Variants in ACADM observed in about 807,000 individuals in gnomAD.
ACADM encodes medium-chain specific acyl-CoA dehydrogenase, mitochondrial.
A neutral mutation model predicts 58.9 loss-of-function variants in ACADM; 49 were observed. That is an observed-to-expected ratio of 0.83 (90% CI 0.66 to 1.06). ACADM has a LOEUF of 1.06. ACADM is among the 50% of genes least tolerant of loss of function. ACADM has a pLI of 0.00. For synonymous variants in ACADM, 160 were observed against 157.7 expected (o/e 1.01, Z -0.11); for missense variants, 496 against 507.0 (o/e 0.98, Z 0.21).
In ACADM at chr1:75,762,338, G is replaced by A. The variant is rs1322127403; in HGVS notation, c.1195-354G>A. Among the ~76,000 whole-genome samples the A allele has an allele frequency of 4.6e-5, 7 of 151,968 alleles. No homozygotes were observed. In the East Asian group the frequency reaches 1.3e-3, roughly 29 times the overall value. ...AGGGTAAGAATAAAAGACTGAAGGAGACAGCTAGCTAAGAACAGTTCAGAA... is the reference window on the plus strand; with the variant it reads ...AGGGTAAGAATAAAAGACTGAAGGAAACAGCTAGCTAAGAACAGTTCAGAA... On this transcript the variant is annotated intron_variant, in intron 11 of 11. Transcript: ENST00000370841.
rs192044394 is a variant in ACADM, at chr1:75,760,469, A to T, written c.946-653A>T. On this transcript the variant is annotated intron_variant, in intron 10 of 11. Coordinates refer to ENST00000370841, the MANE Select transcript of ACADM (RefSeq NM_000016.6). ...CAGCTACTTTGGGGGCTGAGGCGGGAGGGTCGTTGAGGCTGCAGTGATCTG... is the reference window on the plus strand; with the variant it reads ...CAGCTACTTTGGGGGCTGAGGCGGGTGGGTCGTTGAGGCTGCAGTGATCTG... Among the ~76,000 whole-genome samples, 18 of 129,302 alleles carry T rather than the reference A, an allele frequency of 1.4e-4. No homozygotes were observed. The East Asian group carries it at 4.1e-3, about 29-fold the overall frequency. 84.8% of individuals were successfully genotyped at this position (129,302 alleles called of 152,430 possible).
intron 11 of ACADM, among the ~76,000 whole-genome samples, chr1:75,762,116 C>T (rs1201841809): frequency 6.6e-6 from 1 of 152,220 alleles, no homozygotes; most frequent in African/African-American, 2.4e-5. Context: ...TCTTCCTCTC[C>T]TAGAGCCTTT....
At chr1:75,754,119 G>T (rs1408226041) in intron 10 of ACADM, among the ~76,000 whole-genome samples, 1 of 151,416 alleles carries the variant, frequency 6.6e-6, no homozygotes, top group Non-Finnish European at 1.5e-5. Context: ...TTAATTGGTA[G>T]GTACAGTGAT....
At chr1:75,735,690 T>C (rs1647238656) in intron 6 of ACADM, among the ~76,000 whole-genome samples, 1 of 151,818 alleles carries the variant, frequency 6.6e-6, no homozygotes, top group Admixed American at 6.6e-5. Flanking sequence ...CCATCTCTAC[T>C]AAAAATACAA....
rs762615513 is a variant in ACADM, at chr1:75,745,939, GC to G, written c.708+29del. ...GGTAAAGTATTTATTAATGATTAGG[GC>G]CCCAAATATTATTTTAATTATAAAT... On this transcript the variant is annotated intron_variant, in intron 8 of 11. Coordinates refer to ENST00000370841, the MANE Select transcript of ACADM (RefSeq NM_000016.6). 4.7e-6 allele frequency: 7 copies of G among 1,483,964 alleles called. No homozygotes were observed. In the South Asian group the frequency reaches 8.1e-5, roughly 17 times the overall value. 91.9% of individuals were successfully genotyped at this position (1,483,964 alleles called of 1,614,324 possible).
In ACADM at chr1:75,736,173, T is replaced by TACACACACACACACAC. The variant is rs10647103; in HGVS notation, c.468+1319_468+1334dup. ...AACAAGATAAATACACACACAGACA[T>TACACACACACACACAC]ACACACACACACACACACACACACA... On this transcript the variant is annotated intron_variant, in intron 6 of 11. Transcript: ENST00000370841. Among the ~76,000 whole-genome samples the TACACACACACACACAC allele has an allele frequency of 6.8e-3, 986 of 144,518 alleles. 29 individuals carry two copies. The highest frequency in any genetic ancestry group is 0.024 in the African/African-American group (939 of 38,444). 94.8% of individuals were successfully genotyped at this position (144,518 alleles called of 152,430 possible). A position where few individuals can be genotyped will look rare whatever the true frequency, so the allele number is the denominator to read the frequency against.
rs766249735 is a variant in ACADM, at chr1:75,745,865, C to T, written c.659C>T (p.Thr220Ile). The T allele has an allele frequency of 5.6e-6, 9 of 1,613,818 alleles. No individual in the cohort carries two copies. In the Admixed American group the frequency reaches 6.7e-5, roughly 12 times the overall value. ...DPKAPANKAFTGFIVEADTPG... is the reference protein window; with the variant it reads ...DPKAPANKAFIGFIVEADTPG... ...AAAGCTCCTGCTAATAAAGCCTTTACTGGATTCATTGTGGAAGCAGATACC... is the reference window on the plus strand; with the variant it reads ...AAAGCTCCTGCTAATAAAGCCTTTATTGGATTCATTGTGGAAGCAGATACC... Residue 220 changes from threonine (T) to isoleucine (I), a missense_variant, in exon 8 of 12, where the codon ACT becomes ATT. Coordinates refer to ENST00000370841, the MANE Select transcript of ACADM (RefSeq NM_000016.6).
intron 2 of ACADM, among the ~76,000 whole-genome samples, chr1:75,728,997 A>G (rs1397054271): frequency 1.3e-5 from 2 of 152,104 alleles, no homozygotes; most frequent in African/African-American, 2.4e-5. Context: ...TACACACAAA[A>G]AATTTGAAAT....
rs1207531329 is a variant in ACADM at position 75,743,506 on chromosome 1, C to T, written c.600-2300C>T. 1.2e-5 allele frequency: 19 copies of T among 1,609,530 alleles called. No homozygotes were observed. The Middle Eastern group carries it at 6.6e-4, about 56-fold the overall frequency. ...CACAGCCTCTCTGCCATCAATCAGCCGGTGATCATAGGTCAGTGCCACGTA... is the reference window on the plus strand; with the variant it reads ...CACAGCCTCTCTGCCATCAATCAGCTGGTGATCATAGGTCAGTGCCACGTA... On this transcript the variant is annotated intron_variant, in intron 7 of 11. Transcript: ENST00000370841.
chr1:75,751,614 T>C (rs1409822501), intron 10 of ACADM, among the ~76,000 whole-genome samples: 1 of 151,598 alleles, frequency 6.6e-6, no homozygotes, highest in Non-Finnish European at 1.5e-5. Context: ...TTCTCCTGCC[T>C]CAGCCTCCCG....
intron 7 of ACADM, chr1:75,744,351 T>C: frequency 6.2e-7 from 1 of 1,601,980 alleles, no homozygotes; most frequent in Non-Finnish European, 8.6e-7. Flanking sequence ...TTTTCCTGAG[T>C]GTGAAAAGCG....
intron 10 of ACADM, among the ~76,000 whole-genome samples, chr1:75,755,915 A>C (rs927227356): frequency 2.6e-5 from 4 of 152,232 alleles, no homozygotes; most frequent in African/African-American, 7.2e-5. Context: ...GGCTGATTCA[A>C]CATACCTTGA....
chr1:75,747,721 A>G (rs1647976121), intron 8 of ACADM, among the ~76,000 whole-genome samples: 1 of 152,220 alleles, frequency 6.6e-6, no homozygotes, highest in Admixed American at 6.5e-5. Flanking sequence ...CAGGAAGTCA[A>G]GGCTGCAGTG....
At position 75,745,923 on chromosome 1, in the gene ACADM, T is replaced by C. The variant is rs991394488; in HGVS notation, c.708+9T>C. 1 of 1,577,684 alleles carries C rather than the reference T, an allele frequency of 6.3e-7. No individual in the cohort carries two copies. Among genetic ancestry groups the C allele is most frequent in the African/African-American group, 1.3e-5 (1 of 74,268 alleles). ...TTCAGATTGGGAGAAAGGTAAAGTA[T>C]TTATTAATGATTAGGGCCCCAAATA... On this transcript the variant is annotated intron_variant, in intron 8 of 11. Transcript: ENST00000370841.
At chr1:75,724,921 G>T in intron 1 of ACADM, 104 bp downstream of exon 1, 1 of 1,215,064 alleles carries the variant, frequency 8.2e-7, no homozygotes, top group Non-Finnish European at 1.1e-6. Context: ...GGAGTGGGAA[G>T]TCGGGCTGAG....
chr1:75,759,409 C>T (rs145380043), intron 10 of ACADM, among the ~76,000 whole-genome samples: 93 of 152,300 alleles, frequency 6.1e-4, no homozygotes, highest in African/African-American at 2.0e-3. Flanking sequence ...AAAGACAGCA[C>T]GTTGGAGATC....
intron 10 of ACADM, among the ~76,000 whole-genome samples, chr1:75,755,439 T>C (rs1489874682): frequency 6.6e-6 from 1 of 152,154 alleles, no homozygotes; most frequent in Non-Finnish European, 1.5e-5. Flanking sequence ...GCAGCAATGT[T>C]TGTCATTCTG....
chr1:75,762,713 A>G lies in ACADM; in HGVS notation c.1216A>G (p.Ile406Val), dbSNP rs1181589709. 14 of 1,607,880 alleles carry G rather than the reference A, an allele frequency of 8.7e-6. No individual in the cohort carries two copies. Among genetic ancestry groups the G allele is most frequent in the Non-Finnish European group, 1.1e-5 (13 of 1,174,772 alleles). The change falls in exon 12 of 12, where the codon ATT becomes GTT. Residue 406 changes from isoleucine (I) to valine (V), a missense_variant. Transcript: ENST00000370841. Reference protein sequence around the residue: ...IYQIYEGTSQIQRLIVAREHI... With the variant: ...IYQIYEGTSQVQRLIVAREHI... ...GCAGATTTATGAAGGTACTTCACAA[A>G]TTCAAAGACTTATTGTAGCCCGTGA...
chr1:75,750,750 C>A, intron 10 of ACADM: 3 of 565,168 alleles, frequency 5.3e-6, no homozygotes, highest in East Asian at 3.1e-5. Context: ...CTGTGCTATG[C>A]ATTTTTTTTT....
Sources: allele counts gnomAD v4.1 joint callset (sites outside exome capture counted in the v4.1 genomes callset), GRCh38; gene constraint gnomAD v4.1.1; transcripts MANE v1.5; gene names NCBI Gene and HGNC (gene_info 2026-07-23, HGNC 2026-07-21).